LRP2: variants seen among roughly 807,000 people sequenced by gnomAD.
LRP2 encodes the protein low-density lipoprotein receptor-related protein 2.
A neutral mutation model predicts 531.0 loss-of-function variants in LRP2; 172 were observed. That is an observed-to-expected ratio of 0.32 (90% CI 0.29 to 0.37). The LOEUF (loss-of-function observed/expected upper bound fraction) is 0.37. Among genes scored for constraint, LRP2 ranks in the 10% least tolerant of loss-of-function variants. The pLI, the probability that LRP2 is intolerant of heterozygous loss-of-function variation, is 1.00. For missense variants in LRP2, 5,167 were observed against 5,868.3 expected, an observed-to-expected ratio of 0.88 and a Z score of 3.90; for synonymous variants, 1,992 against 2,027.6, an observed-to-expected ratio of 0.98 and a Z score of 0.47.
intron 9 of LRP2, among the ~76,000 whole-genome samples, chr2:169,285,514 C>G (rs1008769993): frequency 2.0e-5 from 3 of 152,192 alleles, no homozygotes; most frequent in Admixed American, 1.3e-4. Context: ...CAATCCCCCT[C>G]TCACTCCAAT....
At chr2:169,130,365 A>G (rs1574054869) in intron 77 of LRP2, among the ~76,000 whole-genome samples, 2 of 149,168 alleles carry the variant, frequency 1.3e-5, no homozygotes, top group South Asian at 4.2e-4. Flanking sequence ...TCGGCCCACT[A>G]CAACCTCTGC....
intron 41 of LRP2, 45 bp from the exon 42 acceptor site, chr2:169,204,316 A>G (rs1688303786): frequency 6.3e-7 from 1 of 1,591,780 alleles, no homozygotes; most frequent in South Asian, 1.1e-5. Context: ...ATCTCAAGTG[A>G]GTTAAGTTTT....
At chr2:169,351,324 C>A (rs1574281824) in intron 1 of LRP2, among the ~76,000 whole-genome samples, 1 of 152,070 alleles carries the variant, frequency 6.6e-6, no homozygotes, top group African/African-American at 2.4e-5. Context: ...CACATCTGTA[C>A]AAGAATTTTA....
Position 169,225,100 on chromosome 2 carries a change from T to A in LRP2, c.5538+210A>T, listed in dbSNP as rs538599279. ...AGTGAGACTTTGTCTAAAAAAAAAA[T>A]AAATAAATAAATAAAAATAAATTTA... On this transcript the variant is annotated intron_variant, in intron 33 of 78. Coordinates refer to ENST00000649046, the MANE Select transcript of LRP2 (RefSeq NM_004525.3). Among the ~76,000 whole-genome samples, 272 of 151,688 alleles carry A rather than the reference T, an allele frequency of 1.8e-3. 1 individual carries two copies. Among genetic ancestry groups the A allele is most frequent in the African/African-American group, 5.9e-3 (245 of 41,476 alleles).
In LRP2 at chr2:169,145,751, C is replaced by T. The variant is rs1310143545; in HGVS notation, c.12984G>A (p.Lys4328=). Residue 4328 remains lysine (K), a synonymous_variant, in exon 70 of 79, where the codon AAG becomes AAA. Transcript: ENST00000649046. ...VRIFHQLRYN[K]SVPNLCKQIC... The stretch of plus-strand genomic sequence containing the variant: ...TATACCAAAGTTGGTGATTACCTGA[C>T]TTATTGTATCTGAGTTGATGAAAGA... 1.2e-6 allele frequency: 2 copies of T among 1,614,080 alleles called. No homozygotes were observed.
rs1176454464 is a variant in LRP2 at position 169,206,824 on chromosome 2, T to C, written c.6896A>G (p.Lys2299Arg). The change falls in exon 39 of 79, where the codon AAG becomes AGG. Residue 2299 changes from lysine to arginine, a missense_variant. Coordinates refer to ENST00000649046, the MANE Select transcript of LRP2 (RefSeq NM_004525.3). ...TGGTTCCTTGCTGGCTTGGAAGATC[T>C]TTTTCAAATTCCTATCTACCCATAT... ...SIIWVDRNLK[K>R]IFQASKEPEN... The C allele has an allele frequency of 6.2e-7, 1 of 1,614,176 alleles. No homozygotes were observed. The highest frequency in any genetic ancestry group is 2.2e-5 in the East Asian group (1 of 44,886).
chr2:169,280,388 G>A lies in LRP2; in HGVS notation c.1303C>T (p.Leu435=), dbSNP rs1683669440. The A allele has an allele frequency of 6.2e-7, 1 of 1,614,126 alleles. No individual in the cohort carries two copies. The highest frequency in any genetic ancestry group is 8.5e-7 in the Non-Finnish European group (1 of 1,180,006). The change falls in exon 11 of 79, where the codon CTG becomes TTG. Residue 435 remains leucine, a synonymous_variant. Coordinates refer to ENST00000649046, the MANE Select transcript of LRP2 (RefSeq NM_004525.3). ...VAVGVAFHYH[L]QRVFWTDTVQ... ...GTGTCTGTCCAAAAAACTCTTTGCA[G>A]GTGATAGTGGAAAGCCACACCCACG...
rs1348026885 is a variant in LRP2, at chr2:169,246,830, G to A, written c.3065C>T (p.Pro1022Leu). The change falls in exon 21 of 79, where the codon CCC becomes CTC. Residue 1022 changes from proline (P) to leucine (L), a missense_variant. By Grantham distance (98) the Pro-to-Leu change is moderately conservative. Transcript: ENST00000649046. Reference protein sequence around the residue: ...TCEGDPTNEPPTEQCGLFSFP... With the variant: ...TCEGDPTNEPLTEQCGLFSFP... ...GGAAAATAAGCCACACTGCTCTGTG[G>A]GTGGTTCATTGGTTGGGTCCCCCTC... 3.7e-6 allele frequency: 6 copies of A among 1,614,032 alleles called. No homozygotes were observed. Among genetic ancestry groups the A allele is most frequent in the South Asian group, 1.1e-5 (1 of 91,078 alleles).
chr2:169,238,672 T>G (rs1369102207), intron 26 of LRP2, among the ~76,000 whole-genome samples: 1 of 152,126 alleles, frequency 6.6e-6, no homozygotes, highest in Non-Finnish European at 1.5e-5. Context: ...AGGAATCATG[T>G]CTTAAATATT....
chr2:169,320,759 TG>T lies in LRP2; in HGVS notation c.187+17del. 6.3e-7 allele frequency: 1 copy of T among 1,598,664 alleles called. No individual in the cohort carries two copies. The highest frequency in any genetic ancestry group is 8.6e-7 in the Non-Finnish European group (1 of 1,166,098). On this transcript the variant is annotated intron_variant, in intron 2 of 78. Transcript: ENST00000649046. The stretch of plus-strand genomic sequence containing the variant: ...AGGTTACTCAAAATAGAACTTAGCC[TG>T]GCCCCTCCTCACTTACCGCAGCCAA...
chr2:169,362,179 G>A, intron 1 of LRP2, 142 bp downstream of exon 1: 1 of 644,206 alleles, frequency 1.6e-6, no homozygotes, highest in Non-Finnish European at 2.5e-6. Flanking sequence ...AGCAACCTGA[G>A]CGCCCCACCG....
intron 1 of LRP2, among the ~76,000 whole-genome samples, chr2:169,339,956 A>G (rs1462630629): frequency 1.3e-5 from 2 of 152,214 alleles, no homozygotes; most frequent in African/African-American, 4.8e-5. Flanking sequence ...GCACAAACTT[A>G]TGGATACATC....
Position 169,257,232 on chromosome 2 carries a change from T to C in LRP2, c.2531A>G (p.Asp844Gly). The stretch of plus-strand genomic sequence containing the variant: ...CATAATTTTAGCAGGACGGAACCAA[T>C]CAGTGAAGAATAGATACCTAGAAAA... Reference protein sequence around the residue: ...HPFAGYLFFTDWFRPAKIMRA... With the variant: ...HPFAGYLFFTGWFRPAKIMRA... The change falls in exon 18 of 79, where the codon GAT (aspartate) becomes GGT (glycine). Residue 844 changes from aspartate (D) to glycine (G), a missense_variant. Asp to Gly is a moderately conservative substitution (Grantham distance 94). This residue lies in a region of LRP2 where 2,811 missense variants were observed against 3,058.0 expected (regional missense o/e 0.92). Transcript: ENST00000649046. 6.2e-7 allele frequency: 1 copy of C among 1,612,664 alleles called. No individual in the cohort carries two copies. Among genetic ancestry groups the C allele is most frequent in the Non-Finnish European group, 8.5e-7 (1 of 1,179,036 alleles).
At position 169,137,511 on chromosome 2, in the gene LRP2, AAGAGAGAG is replaced by A. The variant is rs138614485; in HGVS notation, c.13519-26_13519-19del. ...TCTTCACTCTGATGGCAGAGACAGA[AAGAGAGAG>A]AGAGAGAGAGAGAGAAACAGAGAGA... is the stretch of plus-strand genomic sequence containing the variant. On this transcript the variant is annotated intron_variant, in intron 75 of 78. Transcript: ENST00000649046. 6.6e-5 allele frequency: 84 copies of A among 1,276,052 alleles called. No individual in the cohort carries two copies. Among genetic ancestry groups the A allele is most frequent in the Middle Eastern group, 5.6e-4 (3 of 5,394 alleles). 79.0% of individuals were successfully genotyped at this position (1,276,052 alleles called of 1,614,324 possible). A position where few individuals can be genotyped will look rare whatever the true frequency, so the allele number is the denominator to read the frequency against.
intron 17 of LRP2, among the ~76,000 whole-genome samples, chr2:169,258,423 T>C (rs74894286): frequency 0.039 from 5,872 of 152,206 alleles, 162 homozygotes; most frequent in South Asian, 0.1. Flanking sequence ...GCAGCCATCT[T>C]TTTTATCATT....
intron 16 of LRP2, among the ~76,000 whole-genome samples, chr2:169,259,568 CCACCCGGAGACGGCTCTGAT>C (rs973626263): frequency 3.9e-5 from 6 of 151,940 alleles, no homozygotes; most frequent in African/African-American, 1.4e-4. Flanking sequence ...TCACCTACTA[CCACCCGGAGACGGCTCTGAT>C]AAGCTGACAC....
chr2:169,342,002 A>G (rs1685575972), intron 1 of LRP2, among the ~76,000 whole-genome samples: 1 of 152,146 alleles, frequency 6.6e-6, no homozygotes, highest in Admixed American at 6.6e-5. Flanking sequence ...GCAACGGTTT[A>G]GCATTCCTGT....
In LRP2 at chr2:169,241,269, T is replaced by C; in HGVS notation, c.3764A>G (p.Asp1255Gly). 6.2e-7 allele frequency: 1 copy of C among 1,614,214 alleles called. No homozygotes were observed. The highest frequency in any genetic ancestry group is 8.5e-7 in the Non-Finnish European group (1 of 1,180,036). The change falls in exon 25 of 79, where the codon GAC (aspartate) becomes GGC (glycine). Residue 1255 changes from aspartate (D) to glycine (G), a missense_variant. Coordinates refer to ENST00000649046, the MANE Select transcript of LRP2 (RefSeq NM_004525.3). ...GTGCTCATCAGATCCATAGAGGCAG[T>C]CTGGATGCCCATCACATTCCCAGAA... ...PNFWECDGHP[D>G]CLYGSDEHNA...
intron 4 of LRP2, among the ~76,000 whole-genome samples, chr2:169,306,402 C>T (rs1385678992): frequency 5.9e-5 from 9 of 152,114 alleles, no homozygotes; most frequent in African/African-American, 1.4e-4. Context: ...GGCGTGGTGG[C>T]GCATGCCTGT....
Sources: allele counts gnomAD v4.1 joint callset (sites outside exome capture counted in the v4.1 genomes callset), GRCh38; gene constraint gnomAD v4.1.1; regional missense constraint gnomAD v4.1.1; transcripts MANE v1.5; gene names NCBI Gene and HGNC (gene_info 2026-07-23, HGNC 2026-07-21).